The following GSAP variants were observed in gnomAD, a reference collection of about 807,000 sequenced individuals.
GSAP encodes gamma-secretase-activating protein.
A neutral mutation model predicts 131.7 loss-of-function variants in GSAP; 118 were observed. The observed-to-expected ratio is 0.90, with a 90% confidence interval of 0.77 to 1.04. The LOEUF (loss-of-function observed/expected upper bound fraction) is 1.04, where lower values mean the gene tolerates loss of function less well. Ranked by LOEUF, GSAP falls within the 50% of genes least tolerant of loss-of-function variation. GSAP has a pLI of 0.00. For synonymous variants in GSAP, 381 were observed against 363.4 expected (o/e 1.05, Z -0.55); for missense variants, 1,019 against 1,013.2 (o/e 1.01, Z -0.08).
chr7:77,363,693 T>G (rs1411796942), intron 12 of GSAP, among the ~76,000 whole-genome samples: 2 of 152,244 alleles, frequency 1.3e-5, no homozygotes, highest in Non-Finnish European at 2.9e-5. Flanking sequence ...TAATGACATT[T>G]AACACTGCAA....
chr7:77,356,052 A>T (rs1165580007), intron 14 of GSAP, among the ~76,000 whole-genome samples: 1 of 150,568 alleles, frequency 6.6e-6, no homozygotes. Context: ...TCGGCCTCCC[A>T]AAGTGCTGGG....
At chr7:77,388,753 C>T (rs1184326784) in intron 5 of GSAP, among the ~76,000 whole-genome samples, 2 of 152,164 alleles carry the variant, frequency 1.3e-5, no homozygotes, top group African/African-American at 2.4e-5. Flanking sequence ...GAGAGCACTG[C>T]TTTATTTTTT....
chr7:77,363,497 T>G (rs1794828722), intron 12 of GSAP, among the ~76,000 whole-genome samples: 1 of 152,340 alleles, frequency 6.6e-6, no homozygotes, highest in African/African-American at 2.4e-5. Flanking sequence ...GCCCCAGAGC[T>G]AACGTTAACT....
chr7:77,352,049 A>G (rs1248714036), intron 18 of GSAP, among the ~76,000 whole-genome samples: 3 of 152,224 alleles, frequency 2.0e-5, no homozygotes, highest in African/African-American at 2.4e-5. Context: ...CCACGACAGT[A>G]AAAGACAAAG....
chr7:77,347,160 A>G (rs948204252), intron 19 of GSAP, among the ~76,000 whole-genome samples: 1 of 152,082 alleles, frequency 6.6e-6, no homozygotes, highest in Non-Finnish European at 1.5e-5. Context: ...ACCCCACTCT[A>G]TGCGTCTCTT....
intron 16 of GSAP, 34 bp downstream of exon 16, chr7:77,355,179 T>C (rs766150378): frequency 7.5e-7 from 1 of 1,324,994 alleles, no homozygotes. Flanking sequence ...GTGTCGTCTA[T>C]CTGCCCATTT....
chr7:77,407,566 T>C (rs920409305), intron 1 of GSAP, among the ~76,000 whole-genome samples: 18 of 152,238 alleles, frequency 1.2e-4, no homozygotes, highest in Non-Finnish European at 2.2e-4. Flanking sequence ...TTGTCAGTTA[T>C]ATGTTTTTGC....
intron 19 of GSAP, among the ~76,000 whole-genome samples, chr7:77,343,251 T>C (rs150690913): frequency 6.6e-6 from 1 of 152,172 alleles, no homozygotes. Flanking sequence ...ACAGTTCTCA[T>C]AACTTCCAAA....
chr7:77,412,978 CAT>C (rs1289977800), intron 1 of GSAP, among the ~76,000 whole-genome samples: 2 of 152,122 alleles, frequency 1.3e-5, no homozygotes, highest in Non-Finnish European at 2.9e-5. Flanking sequence ...TCTAGAGAAA[CAT>C]ATGCCTGTGT....
chr7:77,369,776 C>T (rs1012076659), intron 12 of GSAP, among the ~76,000 whole-genome samples: 2 of 150,586 alleles, frequency 1.3e-5, no homozygotes, highest in Non-Finnish European at 3.0e-5. Flanking sequence ...TGTTTAACAA[C>T]AAAGGTAAAA....
rs557318914 is a variant in GSAP at position 77,373,252 on chromosome 7, G to A, written c.871+818C>T. On this transcript the variant is annotated intron_variant, in intron 12 of 30. Transcript: ENST00000257626. ...TAATGTCTAAAATCTGTGCCAAATA[G>A]TAACCTTTACGCTAATAAAGATTAG... 3.9e-5 allele frequency among the ~76,000 whole-genome samples: 6 copies of A among 152,246 alleles called. 1 individual carries two copies. The South Asian group carries it at 1.2e-3, about 32-fold the overall frequency.
Position 77,396,179 on chromosome 7 carries a change from TA to T in GSAP, c.367+802del, listed in dbSNP as rs1276223627. Among the ~76,000 whole-genome samples the T allele has an allele frequency of 3.3e-5, 5 of 151,938 alleles. No individual in the cohort carries two copies. In the South Asian group the frequency reaches 6.2e-4, roughly 19 times the overall value. On this transcript the variant is annotated intron_variant, in intron 5 of 30. Transcript: ENST00000257626. ...CCATGGGGCATCCCTACCCTACTAC[TA>T]GTCCCTATATCTCTTGAACTTTTTT...
chr7:77,382,454 C>G (rs760518045), intron 7 of GSAP, 120 bp downstream of exon 7: 3 of 607,160 alleles, frequency 4.9e-6, no homozygotes, highest in Non-Finnish European at 9.3e-6. Flanking sequence ...ATATGGACAT[C>G]AAAGCTTAGC....
intron 1 of GSAP, among the ~76,000 whole-genome samples, chr7:77,409,740 C>T (rs1433471370): frequency 6.6e-6 from 1 of 152,120 alleles, no homozygotes; most frequent in East Asian, 1.9e-4. Flanking sequence ...TAAAAGGTTT[C>T]GGCTAAGATA....
At chr7:77,337,301 T>TGGGG (rs34134192) in intron 19 of GSAP, among the ~76,000 whole-genome samples, 12 of 65,670 alleles carry the variant, frequency 1.8e-4, no homozygotes, top group African/African-American at 4.0e-4. Context: ...GGGGGTGGGG[T>TGGGG]GGGGGGGGGG....
intron 19 of GSAP, among the ~76,000 whole-genome samples, chr7:77,344,957 A>G (rs1417007759): frequency 6.6e-6 from 1 of 151,988 alleles, no homozygotes; most frequent in Non-Finnish European, 1.5e-5. Flanking sequence ...AAAAGAAAGG[A>G]CTCTGTATAT....
At chr7:77,381,216 A>G in intron 8 of GSAP, 89 bp downstream of exon 8, 1 of 619,970 alleles carries the variant, frequency 1.6e-6, no homozygotes, top group Non-Finnish European at 2.8e-6. Context: ...AACATTATAT[A>G]TCAATAACAT....
intron 23 of GSAP, 24 bp downstream of exon 23, chr7:77,326,188 C>T (rs1253881443): frequency 2.6e-6 from 4 of 1,566,782 alleles, no homozygotes; most frequent in Non-Finnish European, 3.5e-6. Flanking sequence ...TTGCCAGCCC[C>T]TAAAGAACCC....
intron 19 of GSAP, among the ~76,000 whole-genome samples, chr7:77,340,806 G>C (rs1254682722): frequency 1.3e-5 from 2 of 152,002 alleles, no homozygotes; most frequent in Non-Finnish European, 2.9e-5. Context: ...GTCAATTGCG[G>C]GGATGCCTGC....
Sources: gnomAD v4.1 joint callset for allele counts (sites outside exome capture counted in the v4.1 genomes callset) on GRCh38, gnomAD v4.1.1 for gene constraint, MANE v1.5 for transcripts, NCBI Gene and HGNC (gene_info 2026-07-23, HGNC 2026-07-21) for gene names.